The following DPYD variants were observed in gnomAD, a reference collection of about 807,000 sequenced individuals.
The protein encoded by DPYD is dihydropyrimidine dehydrogenase [NADP(+)].
Under a neutral mutation model 116.2 loss-of-function variants are expected in DPYD, and 109 were observed. The ratio of observed to expected loss-of-function variants is 0.94; its 90% CI spans 0.80 to 1.10. DPYD has a LOEUF of 1.10. DPYD is among the 50% of genes least tolerant of loss of function. The probability of loss-of-function intolerance (pLI) is 0.00; values close to 1 mark genes in which losing one functional copy is unlikely to be tolerated. For synonymous variants in DPYD, 440 were observed against 432.0 expected (o/e 1.02, Z -0.23); for missense variants, 1,302 against 1,254.5 (o/e 1.04, Z -0.57).
chr1:97,631,953 C>A (rs949835292), intron 8 of DPYD, among the ~76,000 whole-genome samples: 2 of 152,004 alleles, frequency 1.3e-5, no homozygotes, highest in East Asian at 1.9e-4. Flanking sequence ...ATAAATATAG[C>A]CACAGGACTT....
At chr1:97,911,664 A>T (rs993081255) in intron 1 of DPYD, among the ~76,000 whole-genome samples, 1 of 152,106 alleles carries the variant, frequency 6.6e-6, no homozygotes, top group Admixed American at 6.6e-5. Flanking sequence ...CTTCAAAGTA[A>T]AGGCAGGCTA....
At chr1:97,844,930 C>G (rs1670218087) in intron 2 of DPYD, among the ~76,000 whole-genome samples, 1 of 152,238 alleles carries the variant, frequency 6.6e-6, no homozygotes, top group Admixed American at 6.5e-5. Context: ...CTGTCGCAAC[C>G]TGGCTGGGTG....
intron 14 of DPYD, among the ~76,000 whole-genome samples, chr1:97,448,912 C>T (rs1002050439): frequency 3.3e-5 from 5 of 151,826 alleles, no homozygotes; most frequent in Non-Finnish European, 5.9e-5. Flanking sequence ...TTTTATTTCA[C>T]GTATTTTATT....
intron 14 of DPYD, among the ~76,000 whole-genome samples, chr1:97,401,657 T>G (rs1326639929): frequency 3.3e-5 from 5 of 152,098 alleles, no homozygotes. Context: ...AATAATTTCT[T>G]TCATGAATAT....
chr1:97,128,389 C>A (rs151261016), intron 20 of DPYD, among the ~76,000 whole-genome samples: 1 of 151,954 alleles, frequency 6.6e-6, no homozygotes, highest in Non-Finnish European at 1.5e-5. Context: ...ACAAGAGTTC[C>A]GGGTTTTTAT....
intron 3 of DPYD, among the ~76,000 whole-genome samples, chr1:97,752,300 AC>A (rs1664976013): frequency 1.3e-5 from 2 of 151,086 alleles, no homozygotes; most frequent in South Asian, 2.1e-4. Flanking sequence ...TCACACACAC[AC>A]ACACACACAC....
intron 3 of DPYD, among the ~76,000 whole-genome samples, chr1:97,827,283 A>G (rs1571425415): frequency 6.6e-6 from 1 of 152,134 alleles, no homozygotes; most frequent in South Asian, 2.1e-4. Context: ...TTTTAAAAAC[A>G]TATTTTAATT....
intron 1 of DPYD, among the ~76,000 whole-genome samples, chr1:97,915,355 A>G (rs939441924): frequency 1.3e-5 from 2 of 152,310 alleles, no homozygotes; most frequent in African/African-American, 4.8e-5. Flanking sequence ...ATATAAATAT[A>G]TATGTATTCA....
chr1:97,917,865 A>G (rs1275357362), intron 1 of DPYD, among the ~76,000 whole-genome samples: 1 of 152,210 alleles, frequency 6.6e-6, no homozygotes, highest in Non-Finnish European at 1.5e-5. Context: ...GGTCTTGAAC[A>G]AAAGAGTACT....
chr1:97,705,291 A>G (rs146563142), intron 5 of DPYD, among the ~76,000 whole-genome samples: 98 of 151,806 alleles, frequency 6.5e-4, no homozygotes, highest in African/African-American at 2.2e-3. Flanking sequence ...GCTCCCCCCA[A>G]CCAACAACAG....
At chr1:97,348,723 G>A (rs532199608) in intron 16 of DPYD, among the ~76,000 whole-genome samples, 2 of 152,266 alleles carry the variant, frequency 1.3e-5, no homozygotes, top group South Asian at 4.1e-4. Flanking sequence ...AAAAGAATGT[G>A]ATAAAGACCT....
At chr1:97,290,304 A>G (rs1024726042) in intron 18 of DPYD, among the ~76,000 whole-genome samples, 1 of 152,048 alleles carries the variant, frequency 6.6e-6, no homozygotes, top group African/African-American at 2.4e-5. Flanking sequence ...CAAGCTACCA[A>G]TGACTTTCTT....
At chr1:97,309,766 A>G (rs999407695) in intron 16 of DPYD, among the ~76,000 whole-genome samples, 4 of 151,822 alleles carry the variant, frequency 2.6e-5, no homozygotes, top group African/African-American at 9.7e-5. Flanking sequence ...TACTTGCTGC[A>G]GTAATGTCCA....
intron 2 of DPYD, among the ~76,000 whole-genome samples, chr1:97,848,841 T>C (rs1458055136): frequency 2.0e-5 from 3 of 152,196 alleles, no homozygotes; most frequent in African/African-American, 7.2e-5. Flanking sequence ...CTGTGTATTA[T>C]AAGGAGATTA....
At chr1:97,560,069 A>G (rs1463752731) in intron 11 of DPYD, among the ~76,000 whole-genome samples, 5 of 152,190 alleles carry the variant, frequency 3.3e-5, no homozygotes, top group Non-Finnish European at 7.4e-5. Context: ...AAAAATCCAC[A>G]GAAGCATTTG....
intron 13 of DPYD, among the ~76,000 whole-genome samples, chr1:97,512,400 G>C (rs1165398627): frequency 6.6e-6 from 1 of 151,812 alleles, no homozygotes; most frequent in Non-Finnish European, 1.5e-5. Flanking sequence ...TCTATGTATA[G>C]AAAGGGCTTA....
intron 18 of DPYD, among the ~76,000 whole-genome samples, chr1:97,289,703 T>C (rs1464720977): frequency 2.6e-5 from 4 of 152,152 alleles, no homozygotes; most frequent in Non-Finnish European, 5.9e-5. Context: ...TCATAAGAGC[T>C]ATCTATGACT....
At chr1:97,126,730 T>G (rs1193134970) in intron 20 of DPYD, among the ~76,000 whole-genome samples, 1 of 152,202 alleles carries the variant, frequency 6.6e-6, no homozygotes, top group Non-Finnish European at 1.5e-5. Context: ...CACAGACAAC[T>G]GTTCAAATAC....
At chr1:97,287,649 C>A (rs949902924) in intron 18 of DPYD, among the ~76,000 whole-genome samples, 5 of 152,194 alleles carry the variant, frequency 3.3e-5, no homozygotes, top group East Asian at 3.9e-4. Context: ...ACCCCTCCCC[C>A]AGCCTCGCTG....
Sources: gnomAD v4.1 joint callset for allele counts (sites outside exome capture counted in the v4.1 genomes callset) on GRCh38, gnomAD v4.1.1 for gene constraint, MANE v1.5 for transcripts, NCBI Gene and HGNC (gene_info 2026-07-23, HGNC 2026-07-21) for gene names.